The following SMIM24 variants were observed in gnomAD, a reference collection of about 807,000 sequenced individuals.
SMIM24 encodes the protein MAP17-related dimer.
In SMIM24, 6 loss-of-function variants were observed where a neutral mutation model predicts 10.8. The observed-to-expected ratio is 0.55, with a 90% confidence interval of 0.30 to 1.09. The LOEUF is 1.09. Among genes scored for constraint, SMIM24 ranks in the 50% least tolerant of loss-of-function variants. The pLI, the probability that SMIM24 is intolerant of heterozygous loss-of-function variation, is 0.06. For missense variants in SMIM24, 151 were observed against 153.4 expected (o/e 0.98, Z 0.08); for synonymous variants, 71 against 62.4 (o/e 1.14, Z -0.65).
chr19:3,476,711 C>T (rs931125638), intron 3 of SMIM24, among the ~76,000 whole-genome samples: 5 of 151,906 alleles, frequency 3.3e-5, no homozygotes, highest in African/African-American at 1.2e-4. Context: ...TGTCCCCAAG[C>T]CTTTGCCCAA....
At chr19:3,480,362 T>C in intron 1 of SMIM24, 35 bp downstream of exon 1, 9 of 1,285,702 alleles carry the variant, frequency 7.0e-6, no homozygotes, top group Non-Finnish European at 9.6e-6. Context: ...AACTCCCCTA[T>C]CCCGCGACGC....
At chr19:3,475,624 TGGGTGGACGGATGGTA>T (rs2082789262) in intron 3 of SMIM24, among the ~76,000 whole-genome samples, 1 of 139,862 alleles carries the variant, frequency 7.1e-6, no homozygotes, top group African/African-American at 2.8e-5. Flanking sequence ...GATAGTTGAG[TGGGTGGACGGATGGTA>T]GGTGGATAGG....
intron 3 of SMIM24, among the ~76,000 whole-genome samples, chr19:3,477,610 G>C (rs2082799129): frequency 7.0e-6 from 1 of 143,366 alleles, no homozygotes; most frequent in African/African-American, 2.6e-5. Context: ...GGATGGGTGA[G>C]TGGGTGGATA....
intron 3 of SMIM24, among the ~76,000 whole-genome samples, chr19:3,476,617 G>A (rs1271789386): frequency 1.3e-5 from 2 of 152,218 alleles, no homozygotes; most frequent in East Asian, 1.9e-4. Flanking sequence ...CACCACTCAG[G>A]TCCTCTCCCT....
intron 2 of SMIM24, 96 bp downstream of exon 2, chr19:3,478,722 G>C (rs780138726): frequency 9.6e-7 from 1 of 1,043,312 alleles, no homozygotes; most frequent in South Asian, 1.6e-5. Flanking sequence ...GGAGACCTTC[G>C]GACTTTGAGG....
chr19:3,477,033 G>C (rs1465218638), intron 3 of SMIM24, among the ~76,000 whole-genome samples: 1 of 144,562 alleles, frequency 6.9e-6, no homozygotes, highest in Admixed American at 7.3e-5. Context: ...GGATGGGTGA[G>C]TGGGTGGATG....
chr19:3,480,488 G>T lies in SMIM24; in HGVS notation c.-25C>A, dbSNP rs1359689590. On this transcript the variant is annotated 5_prime_UTR_variant, in exon 1 of 4. It adds an upstream start codon to the 5' untranslated region. Transcript: ENST00000215531. ...TGACGGTCGAGTGAGCCAGCAGCCA[G>T]CCAGCGGCGGTCCCGGGTCGGCGTC... 2 of 1,547,456 alleles carry T rather than the reference G, an allele frequency of 1.3e-6. No homozygotes were observed. Among genetic ancestry groups the T allele is most frequent in the African/African-American group, 2.7e-5 (2 of 72,922 alleles).
At chr19:3,477,423 G>A (rs1171600839) in intron 3 of SMIM24, among the ~76,000 whole-genome samples, 18 of 149,492 alleles carry the variant, frequency 1.2e-4, no homozygotes, top group Admixed American at 1.2e-3. Context: ...ATAAGTGGTA[G>A]GTGAATAGAT....
chr19:3,479,598 T>G, intron 1 of SMIM24, among the ~76,000 whole-genome samples: 1 of 117,340 alleles, frequency 8.5e-6, no homozygotes, highest in East Asian at 2.9e-4. Flanking sequence ...AAGGAGGAGC[T>G]CAGAGGGGAG....
chr19:3,474,678 C>T lies in SMIM24; in HGVS notation c.*165G>A, dbSNP rs1305076772. ...TGAAAACCATGTTTGCCCAGAGAGC[C>T]CCCAATGAGGGAGGTGGGGTGGGTT... On this transcript the variant is annotated 3_prime_UTR_variant, in exon 4 of 4. Coordinates refer to ENST00000215531, the MANE Select transcript of SMIM24 (RefSeq NM_001136503.2). 2.4e-6 allele frequency: 2 copies of T among 821,730 alleles called. No homozygotes were observed. Among genetic ancestry groups the T allele is most frequent in the East Asian group, 2.7e-5 (1 of 36,650 alleles). 50.9% of individuals were successfully genotyped at this position (821,730 alleles called of 1,614,324 possible). A position where few individuals can be genotyped will look rare whatever the true frequency, so the allele number is the denominator to read the frequency against.
intron 1 of SMIM24, 27 bp from the exon 2 acceptor site, chr19:3,478,956 CAG>C (rs2082805083): frequency 6.5e-7 from 1 of 1,536,468 alleles, no homozygotes; most frequent in Non-Finnish European, 8.8e-7. Context: ...AGGTTCGACT[CAG>C]AGGAAGAAAA....
At position 3,474,943 on chromosome 19, in the gene SMIM24, T is replaced by G. The variant is rs1476679807; in HGVS notation, c.293A>C (p.Lys98Thr). Residue 98 changes from lysine to threonine, a missense_variant, in exon 4 of 4, where the codon AAG becomes ACG. Coordinates refer to ENST00000215531, the MANE Select transcript of SMIM24 (RefSeq NM_001136503.2). Reference sequence around the variant, plus strand: ...TCCTTCCTTTGCTGTCTTTTTCTCCTTCTTCCTCTTCTCTTCTTTCTCCTT... The same window carrying G: ...TCCTTCCTTTGCTGTCTTTTTCTCCGTCTTCCTCTTCTCTTCTTTCTCCTT... ...EAKEKEEKRK[K>T]EKKTAKEGES... 5 of 1,551,528 alleles carry G rather than the reference T, an allele frequency of 3.2e-6. No individual in the cohort carries two copies. The highest frequency in any genetic ancestry group is 3.5e-6 in the Non-Finnish European group (4 of 1,146,980).
chr19:3,476,132 G>C (rs2082791221), intron 3 of SMIM24, among the ~76,000 whole-genome samples: 1 of 151,828 alleles, frequency 6.6e-6, no homozygotes, highest in Admixed American at 6.6e-5. Flanking sequence ...TAAGCAGTTG[G>C]GTGAATTGAT....
In SMIM24 at chr19:3,479,040, G is replaced by A. The variant is rs1224404132; in HGVS notation, c.68-111C>T. On this transcript the variant is annotated intron_variant, in intron 1 of 3. Transcript: ENST00000215531. ...AGGTCACTGGGGGTGCTCCGACAGA[G>A]GGGGTATTGGAAAGGGACGGAGCTT... is the stretch of plus-strand genomic sequence containing the variant. 3.6e-6 allele frequency: 3 copies of A among 830,672 alleles called. No homozygotes were observed. The South Asian group carries it at 5.1e-5, about 14-fold the overall frequency. 51.5% of individuals were successfully genotyped at this position (830,672 alleles called of 1,614,324 possible). A position where few individuals can be genotyped will look rare whatever the true frequency, so the allele number is the denominator to read the frequency against.
At chr19:3,480,108 C>A (rs115058177) in intron 1 of SMIM24, among the ~76,000 whole-genome samples, 1 of 146,618 alleles carries the variant, frequency 6.8e-6, no homozygotes, top group Admixed American at 6.9e-5. Flanking sequence ...AAAGGAGGCC[C>A]GAGCTCAGAG....
intron 1 of SMIM24, among the ~76,000 whole-genome samples, chr19:3,480,106 C>T (rs1288000278): frequency 1.3e-5 from 2 of 151,222 alleles, no homozygotes; most frequent in Admixed American, 6.6e-5. Context: ...GTAAAGGAGG[C>T]CCGAGCTCAG....
chr19:3,477,268 GTGGATGGATGGATGGA>G (rs147781591), intron 3 of SMIM24, among the ~76,000 whole-genome samples: 4 of 74,584 alleles, frequency 5.4e-5, no homozygotes, highest in East Asian at 5.4e-4. Flanking sequence ...GGATGGGTGA[GTGGATGGATGGATGGA>G]TGGATGGATG....
chr19:3,479,498 T>C (rs2082808070), intron 1 of SMIM24, among the ~76,000 whole-genome samples: 1 of 136,598 alleles, frequency 7.3e-6, no homozygotes, highest in African/African-American at 2.8e-5. Context: ...AAGGAGGAGC[T>C]CAGAGGGGAG....
intron 3 of SMIM24, among the ~76,000 whole-genome samples, chr19:3,477,319 T>G (rs1599750421): frequency 1.0e-5 from 1 of 98,808 alleles, no homozygotes; most frequent in Non-Finnish European, 2.0e-5. Flanking sequence ...AGACAGATGG[T>G]GGGTGGATGG....
Sources: gnomAD v4.1 joint callset for allele counts (sites outside exome capture counted in the v4.1 genomes callset) on GRCh38, gnomAD v4.1.1 for gene constraint, MANE v1.5 for transcripts, NCBI Gene and HGNC (gene_info 2026-07-23, HGNC 2026-07-21) for gene names.